RPTOR: variants seen among roughly 807,000 people sequenced by gnomAD.
RPTOR encodes regulatory-associated protein of mTOR.
RPTOR carries 21 observed loss-of-function variants against 169.9 expected under a neutral mutation model. The ratio of observed to expected loss-of-function variants is 0.12; its 90% CI spans 0.09 to 0.18. The LOEUF is 0.18. Among genes scored for constraint, RPTOR ranks in the 10% least tolerant of loss-of-function variants. RPTOR has a pLI of 1.00. For synonymous variants in RPTOR, 732 were observed against 753.2 expected, an observed-to-expected ratio of 0.97 and a Z score of 0.46; for missense variants, 1,133 against 1,855.9, an observed-to-expected ratio of 0.61 and a Z score of 7.16.
At chr17:80,601,149 A>T (rs976042200) in intron 1 of RPTOR, among the ~76,000 whole-genome samples, 1 of 152,118 alleles carries the variant, frequency 6.6e-6, no homozygotes, top group African/African-American at 2.4e-5. Flanking sequence ...GTTTCTCATT[A>T]ACAGCGACCA....
intron 3 of RPTOR, among the ~76,000 whole-genome samples, chr17:80,700,288 A>G (rs1181622630): frequency 6.6e-6 from 1 of 152,212 alleles, no homozygotes; most frequent in African/African-American, 2.4e-5. Flanking sequence ...AGAAGGACCT[A>G]TTGAGTTTTG....
intron 1 of RPTOR, among the ~76,000 whole-genome samples, chr17:80,611,506 A>G (rs1331202929): frequency 6.6e-6 from 1 of 152,020 alleles, no homozygotes; most frequent in African/African-American, 2.4e-5. Flanking sequence ...ACCTAAAGTG[A>G]TTTGCCCAAC....
At chr17:80,875,759 GGT>G (rs2068101092) in intron 13 of RPTOR, among the ~76,000 whole-genome samples, 1 of 145,324 alleles carries the variant, frequency 6.9e-6, no homozygotes, top group Non-Finnish European at 1.5e-5. Context: ...TCGCCTGCCG[GGT>G]CTTCACACCG....
chr17:80,780,135 A>C (rs1413027563), intron 6 of RPTOR, among the ~76,000 whole-genome samples: 2 of 152,218 alleles, frequency 1.3e-5, no homozygotes, highest in African/African-American at 4.8e-5. Context: ...ATGGGCACAG[A>C]CACACGGCCC....
intron 4 of RPTOR, among the ~76,000 whole-genome samples, chr17:80,713,758 G>C (rs890576221): frequency 1.3e-5 from 2 of 152,094 alleles, no homozygotes; most frequent in African/African-American, 2.4e-5. Context: ...TCATGAGCCA[G>C]GCACACACCA....
At chr17:80,682,843 C>G (rs755307994) in intron 3 of RPTOR, among the ~76,000 whole-genome samples, 2 of 152,056 alleles carry the variant, frequency 1.3e-5, no homozygotes, top group African/African-American at 4.8e-5. Context: ...GTTCCCCAGG[C>G]TGGAGTGCAG....
intron 4 of RPTOR, among the ~76,000 whole-genome samples, chr17:80,710,571 ATGTGTGTGTGTGTGTGTGTGTG>A (rs59732457): frequency 9.0e-5 from 13 of 145,128 alleles, no homozygotes; most frequent in Admixed American, 6.1e-4. Context: ...GGTTATTTGT[ATGTGTGTGTGTGTGTGTGTGTG>A]TGTGTGTGTG....
intron 3 of RPTOR, among the ~76,000 whole-genome samples, chr17:80,645,432 G>A (rs1306666069): frequency 6.6e-6 from 1 of 152,176 alleles, no homozygotes; most frequent in Non-Finnish European, 1.5e-5. Flanking sequence ...TCTAGAATGA[G>A]TCTCTGCTAT....
At chr17:80,680,085 T>C (rs1037980976) in intron 3 of RPTOR, among the ~76,000 whole-genome samples, 1 of 152,048 alleles carries the variant, frequency 6.6e-6, no homozygotes, top group Admixed American at 6.5e-5. Context: ...TTACTTGTTT[T>C]TCCTCTTGCC....
chr17:80,600,061 G>T (rs1030965920), intron 1 of RPTOR, among the ~76,000 whole-genome samples: 1 of 152,144 alleles, frequency 6.6e-6, no homozygotes, highest in African/African-American at 2.4e-5. Context: ...TGTGAGCTCC[G>T]TTCCTAAGGC....
At chr17:80,593,004 G>T (rs1293408050) in intron 1 of RPTOR, among the ~76,000 whole-genome samples, 1 of 152,070 alleles carries the variant, frequency 6.6e-6, no homozygotes, top group Non-Finnish European at 1.5e-5. Context: ...GTCAAATCTG[G>T]GCCCTTCTGC....
intron 7 of RPTOR, among the ~76,000 whole-genome samples, chr17:80,794,137 C>A (rs557518623): frequency 9.9e-5 from 15 of 152,280 alleles, no homozygotes; most frequent in African/African-American, 3.6e-4. Flanking sequence ...GAAAGACACG[C>A]TGATATGAAA....
rs1264310265 is a variant in RPTOR, at chr17:80,844,694, G to C, written c.1213-1779G>C. Among the ~76,000 whole-genome samples the C allele has an allele frequency of 6.6e-6, 1 of 152,198 alleles. No individual in the cohort carries two copies. Among genetic ancestry groups the C allele is most frequent in the Non-Finnish European group, 1.5e-5 (1 of 68,030 alleles). ...CTGACTTTTTAAGTCGGGCCACGGG[G>C]CTCTGCCCGCCAGGCTCCTCTGTGG... On this transcript the variant is annotated intron_variant, in intron 10 of 33. Coordinates refer to ENST00000306801, the MANE Select transcript of RPTOR (RefSeq NM_020761.3). This position sits in a 1 kb window ranked among gnomAD's most constrained non-coding sequence, Gnocchi z 4.7.
rs571980609 is a variant in RPTOR at position 80,625,533 on chromosome 17, T to G, written c.163-158T>G. The stretch of plus-strand genomic sequence containing the variant: ...TCAAAGAAGGGCGTTACTCCTGCAC[T>G]AGGGCTGGGGTAGCCAGGTGACAGG... On this transcript the variant is annotated intron_variant, in intron 1 of 33. Coordinates refer to ENST00000306801, the MANE Select transcript of RPTOR (RefSeq NM_020761.3). Among the ~76,000 whole-genome samples the G allele has an allele frequency of 1.3e-5, 2 of 152,144 alleles. 1 individual carries two copies. Among genetic ancestry groups the G allele is most frequent in the South Asian group, 4.1e-4 (2 of 4,830 alleles).
intron 5 of RPTOR, among the ~76,000 whole-genome samples, chr17:80,740,675 A>G (rs563192648): frequency 6.6e-6 from 1 of 152,294 alleles, no homozygotes; most frequent in South Asian, 2.1e-4. Flanking sequence ...AAATCATACG[A>G]TTTTACCAAT....
chr17:80,569,247 G>A (rs934067012), intron 1 of RPTOR, among the ~76,000 whole-genome samples: 3 of 152,132 alleles, frequency 2.0e-5, no homozygotes, highest in East Asian at 1.9e-4. Flanking sequence ...GGAGTGTTAC[G>A]TTGTTGAGCA....
chr17:80,719,732 A>G (rs2066269357), intron 4 of RPTOR, among the ~76,000 whole-genome samples: 1 of 152,128 alleles, frequency 6.6e-6, no homozygotes, highest in Admixed American at 6.5e-5. Flanking sequence ...AGTGGGGGGA[A>G]GCGGTACTTG....
At position 80,730,942 on chromosome 17, in the gene RPTOR, C is replaced by T. The variant is rs2066387027; in HGVS notation, c.654+236C>T. On this transcript the variant is annotated intron_variant, in intron 5 of 33. Coordinates refer to ENST00000306801, the MANE Select transcript of RPTOR (RefSeq NM_020761.3). This position sits in a 1 kb window ranked among gnomAD's most constrained non-coding sequence, Gnocchi z 4.2. Reference sequence around the variant, plus strand: ...AGGCTGGAGTGCTGTGGTGCCGTCTCCAGTCACTGCAATGTCTGTCACCTG... The same window carrying T: ...AGGCTGGAGTGCTGTGGTGCCGTCTTCAGTCACTGCAATGTCTGTCACCTG... 6.6e-6 allele frequency among the ~76,000 whole-genome samples: 1 copy of T among 152,146 alleles called. No individual in the cohort carries two copies. The highest frequency in any genetic ancestry group is 6.5e-5 in the Admixed American group (1 of 15,286).
chr17:80,641,303 T>C (rs1168077596), intron 2 of RPTOR, among the ~76,000 whole-genome samples: 1 of 152,246 alleles, frequency 6.6e-6, no homozygotes, highest in Non-Finnish European at 1.5e-5. Flanking sequence ...TTACCAAGCT[T>C]TTCTCAGCCA....
Sources: gnomAD v4.1 joint callset for allele counts (sites outside exome capture counted in the v4.1 genomes callset) on GRCh38, gnomAD v4.1.1 for gene constraint, Gnocchi (gnomAD v3.1) non-coding constraint, MANE v1.5 for transcripts, NCBI Gene and HGNC (gene_info 2026-07-23, HGNC 2026-07-21) for gene names.